The following SLC7A8 variants were observed in gnomAD, a reference collection of about 807,000 sequenced individuals.
The protein encoded by SLC7A8 is large neutral amino acids transporter small subunit 2.
In SLC7A8, 30 loss-of-function variants were observed where a neutral mutation model predicts 51.2. That is an observed-to-expected ratio of 0.59 (90% CI 0.44 to 0.80). The LOEUF (loss-of-function observed/expected upper bound fraction) is 0.80, where lower values mean the gene tolerates loss of function less well. SLC7A8 is among the 30% of genes least tolerant of loss of function. The pLI, the probability that SLC7A8 is intolerant of heterozygous loss-of-function variation, is 0.00. For missense variants in SLC7A8, 612 were observed against 674.4 expected, an observed-to-expected ratio of 0.91 and a Z score of 1.03; for synonymous variants, 257 against 275.8, an observed-to-expected ratio of 0.93 and a Z score of 0.67.
intron 3 of SLC7A8, among the ~76,000 whole-genome samples, chr14:23,157,340 T>G (rs2048899212): frequency 6.6e-6 from 1 of 152,230 alleles, no homozygotes. Context: ...ATCTGCAATC[T>G]GAATCCTTAC....
At chr14:23,180,899 C>T (rs1282721033) in intron 1 of SLC7A8, among the ~76,000 whole-genome samples, 6 of 152,042 alleles carry the variant, frequency 3.9e-5, no homozygotes, top group Non-Finnish European at 8.8e-5. Flanking sequence ...TGGTGGTGGG[C>T]GCCTGTAGTC....
At chr14:23,131,696 A>G in intron 7 of SLC7A8, 139 bp from the exon 8 acceptor site, 2 of 574,278 alleles carry the variant, frequency 3.5e-6, no homozygotes, top group Non-Finnish European at 3.0e-6. Flanking sequence ...CATACTTTCC[A>G]CCCCACCAGT....
At chr14:23,150,118 G>T (rs1230628752) in intron 3 of SLC7A8, among the ~76,000 whole-genome samples, 1 of 152,132 alleles carries the variant, frequency 6.6e-6, no homozygotes, top group East Asian at 1.9e-4. Context: ...AATTTCTTTA[G>T]TGCCTTTTGA....
At chr14:23,176,920 C>T (rs8014757) in intron 1 of SLC7A8, among the ~76,000 whole-genome samples, 9,183 of 132,986 alleles carry the variant, frequency 0.069, 495 homozygotes, top group African/African-American at 0.16. Context: ...CCAGCCTGGG[C>T]GACAGAGCAA....
At chr14:23,143,396 C>G (rs1486181955) in intron 3 of SLC7A8, among the ~76,000 whole-genome samples, 192 bp from the exon 4 acceptor site, 3 of 152,226 alleles carry the variant, frequency 2.0e-5, no homozygotes, top group African/African-American at 7.2e-5. Context: ...GATTATATGT[C>G]CCAAATTAGA....
At chr14:23,180,697 T>G (rs1877132054) in intron 1 of SLC7A8, among the ~76,000 whole-genome samples, 1 of 152,126 alleles carries the variant, frequency 6.6e-6, no homozygotes, top group African/African-American at 2.4e-5. Context: ...CCACAGAAAT[T>G]GTACTTATTA....
Position 23,127,003 on chromosome 14 carries a change from G to T in SLC7A8, c.*174C>A. The T allele has an allele frequency of 2.7e-6, 2 of 750,018 alleles. No homozygotes were observed. Among genetic ancestry groups the T allele is most frequent in the Non-Finnish European group, 4.3e-6 (2 of 462,420 alleles). The allele number at this position is 750,018 out of a possible 1,614,324, so 46.5% of individuals were successfully genotyped here. On this transcript the variant is annotated 3_prime_UTR_variant, in exon 11 of 11. Coordinates refer to ENST00000316902, the MANE Select transcript of SLC7A8 (RefSeq NM_012244.4). Reference sequence around the variant, plus strand: ...CCTGGGGTGAGAGGCTGGTTCTTTGGGTATGAATGTCAGTTTTTGTTTACA... The same window carrying T: ...CCTGGGGTGAGAGGCTGGTTCTTTGTGTATGAATGTCAGTTTTTGTTTACA...
chr14:23,182,335 A>T (rs1338668165), intron 1 of SLC7A8, among the ~76,000 whole-genome samples: 2 of 152,184 alleles, frequency 1.3e-5, no homozygotes, highest in East Asian at 3.8e-4. Flanking sequence ...TTTAACATAA[A>T]ACTGCAAAAT....
At chr14:23,152,250 C>A (rs943095170) in intron 3 of SLC7A8, among the ~76,000 whole-genome samples, 1 of 152,104 alleles carries the variant, frequency 6.6e-6, no homozygotes, top group Admixed American at 6.5e-5. Flanking sequence ...CCACCTCAGC[C>A]TCCTGAGTAG....
intron 3 of SLC7A8, among the ~76,000 whole-genome samples, chr14:23,144,732 T>G (rs1459535757): frequency 6.6e-6 from 1 of 152,142 alleles, no homozygotes; most frequent in Admixed American, 6.5e-5. Context: ...CCTTCTCCTC[T>G]TTCAAGATCC....
rs559660266 is a variant in SLC7A8, at chr14:23,128,325, C to T, written c.1264-129G>A. On this transcript the variant is annotated intron_variant, in intron 9 of 10. Coordinates refer to ENST00000316902, the MANE Select transcript of SLC7A8 (RefSeq NM_012244.4). The surrounding 1 kb of genome is among the most constrained non-coding windows in gnomAD (Gnocchi z 4.3). Reference sequence around the variant, plus strand: ...TCAAGGGCAAAGGCTGGGCTTCCCTCGGCTCTGTGGTCCCACACTCACCCC... The same window carrying T: ...TCAAGGGCAAAGGCTGGGCTTCCCTTGGCTCTGTGGTCCCACACTCACCCC... 68 of 1,544,036 alleles carry T rather than the reference C, an allele frequency of 4.4e-5. No individual in the cohort carries two copies. The highest frequency in any genetic ancestry group is 1.7e-4 in the Middle Eastern group (1 of 5,992).
chr14:23,149,443 G>C (rs968355035), intron 3 of SLC7A8, among the ~76,000 whole-genome samples: 1 of 152,154 alleles, frequency 6.6e-6, no homozygotes, highest in African/African-American at 2.4e-5. Context: ...AAGGCGAGTG[G>C]AGTGCCAGGA....
intron 1 of SLC7A8, among the ~76,000 whole-genome samples, chr14:23,173,341 A>G (rs1298064258): frequency 1.3e-5 from 2 of 152,200 alleles, no homozygotes; most frequent in Non-Finnish European, 2.9e-5. Context: ...TTCCTGGGAG[A>G]GGGGAGTGTC....
At chr14:23,161,586 T>TGGGGGGGGTAGGTG (rs2048922571) in intron 3 of SLC7A8, among the ~76,000 whole-genome samples, 1 of 38,612 alleles carries the variant, frequency 2.6e-5, no homozygotes, top group African/African-American at 8.5e-5. Context: ...GGCTGGATGA[T>TGGGGGGGGTAGGTG]GGTGGGGGTA....
chr14:23,149,464 C>T (rs2048827556), intron 3 of SLC7A8, among the ~76,000 whole-genome samples: 1 of 152,192 alleles, frequency 6.6e-6, no homozygotes, highest in South Asian at 2.1e-4. Context: ...TGTTCACAGA[C>T]ATGAATCCTT....
chr14:23,148,478 T>C (rs538285694), intron 3 of SLC7A8, among the ~76,000 whole-genome samples: 1 of 152,316 alleles, frequency 6.6e-6, no homozygotes, highest in South Asian at 2.1e-4. Flanking sequence ...TCCACCCACC[T>C]CGGCCTCCCA....
At chr14:23,161,282 C>T (rs1000834428) in intron 3 of SLC7A8, among the ~76,000 whole-genome samples, 2 of 152,044 alleles carry the variant, frequency 1.3e-5, no homozygotes, top group Non-Finnish European at 2.9e-5. Context: ...CTCCCTCCCC[C>T]AGCAAACCCT....
chr14:23,128,053 C>T lies in SLC7A8; in HGVS notation c.1407G>A (p.Trp469Ter), dbSNP rs749187495. Residue 469 changes from tryptophan to a stop codon, truncating the protein, a stop_gained, in exon 10 of 11, where the codon TGG becomes TGA. Coordinates refer to ENST00000316902, the MANE Select transcript of SLC7A8 (RefSeq NM_012244.4). LOFTEE classifies it low-confidence loss of function (END_TRUNC). This position sits in a 1 kb window ranked among gnomAD's most constrained non-coding sequence, Gnocchi z 4.3. ...GVPVYFLGVYWQHKPKCFSDF... is the reference protein window; with the variant it reads ...GVPVYFLGVY ...CACTGAAACACTTGGGCTTGTGTTG[C>T]CAGTAAACACCCAGGAAATAGACAG... 1 of 1,614,134 alleles carries T rather than the reference C, an allele frequency of 6.2e-7. No homozygotes were observed. Among genetic ancestry groups the T allele is most frequent in the Non-Finnish European group, 8.5e-7 (1 of 1,179,998 alleles).
At chr14:23,167,105 GT>G (rs2140335889) in intron 1 of SLC7A8, among the ~76,000 whole-genome samples, 1 of 152,332 alleles carries the variant, frequency 6.6e-6, no homozygotes, top group Admixed American at 6.5e-5. Flanking sequence ...ACTTACAAGT[GT>G]GGAAAACACT....
Sources: allele counts gnomAD v4.1 joint callset (sites outside exome capture counted in the v4.1 genomes callset), GRCh38; gene constraint gnomAD v4.1.1; non-coding constraint Gnocchi (gnomAD v3.1); transcripts MANE v1.5; gene names NCBI Gene and HGNC (gene_info 2026-07-23, HGNC 2026-07-21).